Variants in NFIB observed in about 807,000 individuals in gnomAD.
The protein encoded by NFIB is nuclear factor I B.
In NFIB, 11 loss-of-function variants were observed where a neutral mutation model predicts 61.5. The observed-to-expected ratio is 0.18, with a 90% CI of 0.11 to 0.30. NFIB has a LOEUF of 0.30. NFIB is among the 10% of genes least tolerant of loss of function. NFIB has a pLI of 1.00. For synonymous variants in NFIB, 260 were observed against 216.5 expected, an observed-to-expected ratio of 1.20 and a Z score of -1.76; for missense variants, 471 against 608.9, an observed-to-expected ratio of 0.77 and a Z score of 2.38.
chr9:14,147,005 C>A (rs972180930), intron 5 of NFIB, among the ~76,000 whole-genome samples, 198 bp from the exon 6 acceptor site: 1 of 152,100 alleles, frequency 6.6e-6, no homozygotes, highest in Non-Finnish European at 1.5e-5. Context: ...ATTAGACCAT[C>A]TTATACCTAA....
intron 3 of NFIB, among the ~76,000 whole-genome samples, chr9:14,170,417 G>T (rs1461566730): frequency 6.6e-6 from 1 of 152,100 alleles, no homozygotes; most frequent in Non-Finnish European, 1.5e-5. Context: ...TGAGGTGGGA[G>T]GATCACTTCA....
Position 14,237,762 on chromosome 9 carries a change from CAGTG to C in NFIB, c.563-57986_563-57983del, listed in dbSNP as rs1378122642. Among the ~76,000 whole-genome samples the C allele has an allele frequency of 1.1e-3, 113 of 105,892 alleles. 7 individuals carry two copies. Among genetic ancestry groups the C allele is most frequent in the African/African-American group, 3.9e-3 (96 of 24,386 alleles). The allele number at this position is 105,892 out of a possible 152,430, so 69.5% of individuals were successfully genotyped here. A position where few individuals can be genotyped will look rare whatever the true frequency, so the allele number is the denominator to read the frequency against. Reference sequence around the variant, plus strand: ...AAGCTCCTCACCCTGCTAGGTATAACAGTGTGTGTGTGTGTGTGTGTGTGTGTGT... The same window carrying C: ...AAGCTCCTCACCCTGCTAGGTATAACTGTGTGTGTGTGTGTGTGTGTGTGT... On this transcript the variant is annotated intron_variant, in intron 2 of 10. Coordinates refer to ENST00000380953, the MANE Select transcript of NFIB (RefSeq NM_001190737.2).
intron 2 of NFIB, among the ~76,000 whole-genome samples, chr9:14,195,195 G>A (rs536296549): frequency 2.0e-5 from 3 of 151,906 alleles, no homozygotes; most frequent in African/African-American, 4.8e-5. Context: ...AAAAACTTTT[G>A]GTAGAACTGA....
At chr9:14,473,872 A>G in the NFIB span, among the ~76,000 whole-genome samples, 137 of 152,320 alleles carry the variant, frequency 9.0e-4, no homozygotes, top group African/African-American at 3.2e-3. Context: ...ATACAAATGC[A>G]TGGCTTATTT....
intron 1 of NFIB, among the ~76,000 whole-genome samples, chr9:14,341,745 A>G (rs2132875706): frequency 6.6e-6 from 1 of 152,302 alleles, no homozygotes; most frequent in South Asian, 2.1e-4. Flanking sequence ...GGGCTCATCC[A>G]TGGCTCACGG....
rs986920761 is a variant in NFIB at position 14,244,691 on chromosome 9, T to C, written c.562+62298A>G. ...TGACCTCTCTGAATTTGAATTTGTA[T>C]ATCTATTTAAACAAAGATAATAGGC... On this transcript the variant is annotated intron_variant, in intron 2 of 10. Coordinates refer to ENST00000380953, the MANE Select transcript of NFIB (RefSeq NM_001190737.2). 3.3e-5 allele frequency among the ~76,000 whole-genome samples: 5 copies of C among 152,220 alleles called. 1 individual carries two copies. The highest frequency in any genetic ancestry group is 7.3e-5 in the Non-Finnish European group (5 of 68,044).
At chr9:14,239,660 T>C (rs1226179722) in intron 2 of NFIB, among the ~76,000 whole-genome samples, 1 of 152,192 alleles carries the variant, frequency 6.6e-6, no homozygotes, top group East Asian at 1.9e-4. Flanking sequence ...TATTTTATAA[T>C]GATATCCATG....
At chr9:14,147,009 T>C (rs920638451) in intron 5 of NFIB, among the ~76,000 whole-genome samples, 3 of 152,168 alleles carry the variant, frequency 2.0e-5, no homozygotes, top group African/African-American at 7.2e-5. Context: ...GACCATCTTA[T>C]ACCTAACCTG....
At chr9:14,469,640 G>C in the NFIB span, among the ~76,000 whole-genome samples, 502 of 152,276 alleles carry the variant, frequency 3.3e-3, 2 homozygotes, top group Non-Finnish European at 4.8e-3. Flanking sequence ...CATTTAACTA[G>C]CTAGGTTTCC....
chr9:14,327,294 C>A (rs2132840028), intron 1 of NFIB, among the ~76,000 whole-genome samples: 1 of 152,328 alleles, frequency 6.6e-6, no homozygotes, highest in African/African-American at 2.4e-5. Context: ...ATATTCAAAT[C>A]CTGTGGCCAA....
the NFIB span, among the ~76,000 whole-genome samples, chr9:14,481,694 T>C: frequency 6.6e-6 from 1 of 152,228 alleles, no homozygotes; most frequent in African/African-American, 2.4e-5. Context: ...TTCCATTCAC[T>C]AGTTCTCTCC....
chr9:14,268,214 G>T (rs1371112635), intron 2 of NFIB, among the ~76,000 whole-genome samples: 1 of 151,540 alleles, frequency 6.6e-6, no homozygotes, highest in Non-Finnish European at 1.5e-5. Flanking sequence ...GGCTTAAAAC[G>T]ACCTCCTCCC....
intron 2 of NFIB, among the ~76,000 whole-genome samples, chr9:14,197,122 G>A (rs576087263): frequency 4.1e-4 from 62 of 152,246 alleles, no homozygotes; most frequent in African/African-American, 1.3e-3. Context: ...TTGCAATCCC[G>A]AAATAGGTTG....
chr9:14,458,811 G>C, the NFIB span, among the ~76,000 whole-genome samples: 1 of 151,746 alleles, frequency 6.6e-6, no homozygotes, highest in South Asian at 2.1e-4. Flanking sequence ...AACTTACAAG[G>C]GATGTGAAGG....
chr9:14,242,107 T>C (rs1411616493), intron 2 of NFIB, among the ~76,000 whole-genome samples: 1 of 152,080 alleles, frequency 6.6e-6, no homozygotes. Context: ...AGATATTTAA[T>C]ATGTTAAACC....
In NFIB at chr9:14,146,574, A is replaced by C. The variant is rs2042297103; in HGVS notation, c.925+115T>G. 2.1e-6 allele frequency: 3 copies of C among 1,427,904 alleles called. No individual in the cohort carries two copies. In the South Asian group the frequency reaches 3.7e-5, roughly 18 times the overall value. The allele number at this position is 1,427,904 out of a possible 1,614,324, so 88.5% of individuals were successfully genotyped here. ...AAAATAATTCTACAGGAATCATTTT[A>C]TGAAAAAAATATACAATCCATATTG... On this transcript the variant is annotated intron_variant, in intron 6 of 10. Coordinates refer to ENST00000380953, the MANE Select transcript of NFIB (RefSeq NM_001190737.2).
chr9:14,211,819 T>C (rs1265701818), intron 2 of NFIB, among the ~76,000 whole-genome samples: 1 of 152,218 alleles, frequency 6.6e-6, no homozygotes. Flanking sequence ...GTGATTTGAG[T>C]TGTGACATGA....
chr9:14,155,635 G>C (rs2043306287), intron 4 of NFIB, among the ~76,000 whole-genome samples, 190 bp downstream of exon 4: 1 of 152,230 alleles, frequency 6.6e-6, no homozygotes, highest in African/African-American at 2.4e-5. Flanking sequence ...ACAACAAAAA[G>C]TTTTGATGAT....
At chr9:14,419,789 C>T in the NFIB span, among the ~76,000 whole-genome samples, 1 of 152,222 alleles carries the variant, frequency 6.6e-6, no homozygotes, top group Non-Finnish European at 1.5e-5. Context: ...GTCTGGCTGG[C>T]ATACACACTG....
Sources: gnomAD v4.1 joint callset for allele counts (sites outside exome capture counted in the v4.1 genomes callset) on GRCh38, gnomAD v4.1.1 for gene constraint, MANE v1.5 for transcripts, NCBI Gene and HGNC (gene_info 2026-07-23, HGNC 2026-07-21) for gene names.